The following LZTR1 variants were observed in gnomAD, a reference collection of about 807,000 sequenced individuals.
LZTR1 encodes the protein leucine zipper like post translational regulator 1.
LZTR1 carries 260 observed loss-of-function variants against 105.7 expected under a neutral mutation model. That is an observed-to-expected ratio of 2.46 (90% CI 2.22 to 2.72). The LOEUF (loss-of-function observed/expected upper bound fraction) is 2.72. LZTR1 is among the 30% of genes most tolerant of loss of function. The probability of loss-of-function intolerance (pLI) is 0.00; values close to 1 mark genes in which losing one functional copy is unlikely to be tolerated. For missense variants in LZTR1, 1,214 were observed against 1,166.9 expected (o/e 1.04, Z -0.59); for synonymous variants, 490 against 476.4 (o/e 1.03, Z -0.37).
rs1359555609 is a variant in LZTR1 at position 20,983,038 on chromosome 22, A to T, written c.212A>T (p.His71Leu). Residue 71 changes from histidine to leucine, a missense_variant, in exon 2 of 21, where the codon CAC (histidine) becomes CTC (leucine). Physicochemically the swap from His to Leu is moderately conservative, Grantham distance 99. Coordinates refer to ENST00000646124, the MANE Select transcript of LZTR1 (RefSeq NM_006767.4). The part of the protein sequence containing the change: ...DEFVGARRSK[H>L]TVVAYKDAIY... ...TCCTTTCTTTCCAGGCGCAGCAAGC[A>T]CACAGTGGTGGCCTATAAAGATGCC... The T allele has an allele frequency of 6.2e-7, 1 of 1,614,092 alleles. No individual in the cohort carries two copies. Among genetic ancestry groups the T allele is most frequent in the Non-Finnish European group, 8.5e-7 (1 of 1,179,954 alleles).
In LZTR1 at chr22:20,985,803, CCTGG is replaced by C. The variant is rs1569153802; in HGVS notation, c.264-35_264-32del. 13 of 1,606,420 alleles carry C rather than the reference CCTGG, an allele frequency of 8.1e-6. No individual in the cohort carries two copies. In the East Asian group the frequency reaches 8.9e-5, roughly 11 times the overall value. ...ATCTCTGGGGTCACTGCAGAGTAGA[CCTGG>C]CTAATGCCACCCTCTCTTCCGGCTG... On this transcript the variant is annotated intron_variant, in intron 2 of 20. Coordinates refer to ENST00000646124, the MANE Select transcript of LZTR1 (RefSeq NM_006767.4).
Position 20,992,861 on chromosome 22 carries a change from C to G in LZTR1, c.1217C>G (p.Thr406Arg). ...GACGCCATGTACATCTTCGGGGGCACGGTGGACAACAACATCCGCAGCGGG... is the reference window on the plus strand; with the variant it reads ...GACGCCATGTACATCTTCGGGGGCAGGGTGGACAACAACATCCGCAGCGGG... Reference protein sequence around the residue: ...ISDAMYIFGGTVDNNIRSGEM... With the variant: ...ISDAMYIFGGRVDNNIRSGEM... Residue 406 changes from threonine to arginine, a missense_variant, in exon 11 of 21, where the codon ACG (threonine) becomes AGG (arginine). Thr to Arg is a moderately conservative substitution (Grantham distance 71). Transcript: ENST00000646124. The G allele has an allele frequency of 6.2e-7, 1 of 1,609,928 alleles. No homozygotes were observed.
chr22:20,991,870 C>G, intron 9 of LZTR1, 41 bp downstream of exon 9: 1 of 1,504,176 alleles, frequency 6.6e-7, no homozygotes, highest in South Asian at 1.2e-5. Context: ...CAGCTGGACA[C>G]CAGTAGCTCC....
intron 18 of LZTR1, 62 bp from the exon 19 acceptor site, chr22:20,996,634 C>T (rs1924858701): frequency 7.0e-7 from 1 of 1,431,380 alleles, no homozygotes; most frequent in Non-Finnish European, 9.8e-7. Flanking sequence ...CCTTCCCTGT[C>T]CTTCCCTGGG....
Position 20,987,880 on chromosome 22 carries a change from G to C in LZTR1, c.401-130G>C, listed in dbSNP as rs178289. On this transcript the variant is annotated intron_variant, in intron 4 of 20. Transcript: ENST00000646124. ...CACAGAGGCAGACAGGCAGCAGGTC[G>C]TTCCGGGGCTTGTGGAAGGAGTCCT... is the stretch of plus-strand genomic sequence containing the variant. 265,714 of 666,242 alleles carry C rather than the reference G, an allele frequency of 0.4. 58,303 individuals carry two copies. Among genetic ancestry groups the C allele is most frequent in the East Asian group, 0.7 (26,477 of 37,992 alleles). The allele number at this position is 666,242 out of a possible 1,614,324, so 41.3% of individuals were successfully genotyped here.
chr22:20,984,645 G>T (rs1195575698), intron 2 of LZTR1, among the ~76,000 whole-genome samples: 1 of 148,768 alleles, frequency 6.7e-6, no homozygotes, highest in Non-Finnish European at 1.5e-5. Context: ...ATCACCACCA[G>T]CTTCTAGGCT....
At chr22:20,983,170 A>G (rs2147957528) in intron 2 of LZTR1, 81 bp downstream of exon 2, 1 of 1,257,240 alleles carries the variant, frequency 8.0e-7, no homozygotes, top group East Asian at 2.3e-5. Context: ...CAGCTCCATT[A>G]CTGTCCTTTC....
chr22:20,992,131 T>A, intron 9 of LZTR1, 83 bp from the exon 10 acceptor site: 1 of 1,406,094 alleles, frequency 7.1e-7, no homozygotes, highest in South Asian at 1.3e-5. Flanking sequence ...GAACCCACTC[T>A]CAAGGCCAGG....
intron 8 of LZTR1, 71 bp downstream of exon 8, chr22:20,990,596 G>A (rs1601718873): frequency 7.5e-6 from 11 of 1,462,070 alleles, no homozygotes; most frequent in East Asian, 2.3e-5. Flanking sequence ...TATGAAGAAC[G>A]CCTCTTGCAC....
chr22:20,995,080 C>T (rs1428512656), intron 16 of LZTR1, 54 bp downstream of exon 16: 18 of 1,555,696 alleles, frequency 1.2e-5, no homozygotes, highest in Admixed American at 3.6e-5. Context: ...TGTTCATCTG[C>T]GGTAGGAGAT....
chr22:20,997,394 G>C lies in LZTR1; in HGVS notation c.*46G>C. On this transcript the variant is annotated 3_prime_UTR_variant, in exon 21 of 21. Transcript: ENST00000646124. ...TTGTGAAGAATCGCCGTGCCTGCCT[G>C]CCCTGCCTACTGAGAAGACTACCGG... The C allele has an allele frequency of 7.2e-7, 1 of 1,390,828 alleles. No individual in the cohort carries two copies. Among genetic ancestry groups the C allele is most frequent in the Non-Finnish European group, 1.0e-6 (1 of 978,276 alleles). 86.2% of individuals were successfully genotyped at this position (1,390,828 alleles called of 1,614,324 possible).
Position 20,988,744 on chromosome 22 carries a change from T to C in LZTR1, c.510-45T>C, listed in dbSNP as rs371179400. The C allele has an allele frequency of 4.1e-6, 6 of 1,470,144 alleles. No homozygotes were observed. The African/African-American group carries it at 4.2e-5, about 10-fold the overall frequency. The allele number at this position is 1,470,144 out of a possible 1,614,324, so 91.1% of individuals were successfully genotyped here. On this transcript the variant is annotated intron_variant, in intron 5 of 20. Coordinates refer to ENST00000646124, the MANE Select transcript of LZTR1 (RefSeq NM_006767.4). Reference sequence around the variant, plus strand: ...CACATGGGGCTGGGTGGCTCAGGTCTGTGCTGGGCGGCCTCACTCCCTCCC... The same window carrying C: ...CACATGGGGCTGGGTGGCTCAGGTCCGTGCTGGGCGGCCTCACTCCCTCCC...
intron 5 of LZTR1, 46 bp from the exon 6 acceptor site, chr22:20,988,743 C>A: frequency 6.8e-7 from 1 of 1,463,950 alleles, no homozygotes; most frequent in South Asian, 1.1e-5. Flanking sequence ...TGGCTCAGGT[C>A]TGTGCTGGGC....
rs1924696052 is a variant in LZTR1 at position 20,993,820 on chromosome 22, G to A, written c.1353+66G>A. 22 of 1,574,212 alleles carry A rather than the reference G, an allele frequency of 1.4e-5. No homozygotes were observed. The South Asian group carries it at 2.2e-4, about 16-fold the overall frequency. ...TGGGCAGTGGGAATTTCGCCCCTCA[G>A]AAAAACAGCTGCTGGCCTGGTGGTG... On this transcript the variant is annotated intron_variant, in intron 12 of 20. Transcript: ENST00000646124.
chr22:20,982,317 G>C lies in LZTR1; in HGVS notation c.-55G>C, dbSNP rs1924218477. 1.6e-5 allele frequency: 22 copies of C among 1,388,494 alleles called. No homozygotes were observed. Among genetic ancestry groups the C allele is most frequent in the South Asian group, 2.7e-5 (2 of 74,760 alleles). 86.0% of individuals were successfully genotyped at this position (1,388,494 alleles called of 1,614,324 possible). On this transcript the variant is annotated 5_prime_UTR_variant, in exon 1 of 21. Coordinates refer to ENST00000646124, the MANE Select transcript of LZTR1 (RefSeq NM_006767.4). ...GAAATGTGGTTTCTCCAGCCGGCCCGGGGCGGTGGCCGCAAGTTGGGCTTA... is the reference window on the plus strand; with the variant it reads ...GAAATGTGGTTTCTCCAGCCGGCCCCGGGCGGTGGCCGCAAGTTGGGCTTA...
rs1248193309 is a variant in LZTR1 at position 20,995,828 on chromosome 22, G to A, written c.2025G>A (p.Gly675=). ...EFCDITLLLD[G]HPRPAHKAIL... The stretch of plus-strand genomic sequence containing the variant: ...GTGACATCACTCTGTTGCTTGACGG[G>A]CACCCACGGCCAGCCCACAAGGCTA... Residue 675 remains glycine, a synonymous_variant, in exon 17 of 21, where the codon GGG becomes GGA. Coordinates refer to ENST00000646124, the MANE Select transcript of LZTR1 (RefSeq NM_006767.4). 1.2e-6 allele frequency: 2 copies of A among 1,613,230 alleles called. No individual in the cohort carries two copies. Among genetic ancestry groups the A allele is most frequent in the Non-Finnish European group, 1.7e-6 (2 of 1,179,966 alleles).
Position 20,994,701 on chromosome 22 carries a change from G to T in LZTR1, c.1759G>T (p.Ala587Ser). 1 of 1,612,186 alleles carries T rather than the reference G, an allele frequency of 6.2e-7. No homozygotes were observed. Among genetic ancestry groups the T allele is most frequent in the Non-Finnish European group, 8.5e-7 (1 of 1,179,964 alleles). ...CGTGCTGGTTGTGTGCGAGAGTGCC[G>T]CCCGGCTGCAGCTGAGCCAACTCAA... Reference protein sequence around the residue: ...QNVLVVCESAARLQLSQLKEH... With the variant: ...QNVLVVCESASRLQLSQLKEH... Residue 587 changes from alanine (A) to serine (S), a missense_variant, in exon 15 of 21, where the codon GCC becomes TCC. Physicochemically the swap from Ala to Ser is moderately conservative, Grantham distance 99. Coordinates refer to ENST00000646124, the MANE Select transcript of LZTR1 (RefSeq NM_006767.4).
Position 20,994,940 on chromosome 22 carries a change from G to A in LZTR1, c.1856G>A (p.Arg619His), listed in dbSNP as rs568213908. Residue 619 changes from arginine (R) to histidine (H), a missense_variant, in exon 16 of 21, where the codon CGC becomes CAC. By Grantham distance (29) the Arg-to-His change is conservative. Coordinates refer to ENST00000646124, the MANE Select transcript of LZTR1 (RefSeq NM_006767.4). ...GTGATCATGATGAAGGAGTTCGAGCGCCTCTCCTCTCCACTGATAGTGGAG... is the reference window on the plus strand; with the variant it reads ...GTGATCATGATGAAGGAGTTCGAGCACCTCTCCTCTCCACTGATAGTGGAG... ...NQVIMMKEFE[R>H]LSSPLIVEIV... 40 of 1,613,332 alleles carry A rather than the reference G, an allele frequency of 2.5e-5. No homozygotes were observed. In the South Asian group the frequency reaches 2.9e-4, roughly 12 times the overall value.
In LZTR1 at chr22:20,990,184, G is replaced by A. The variant is rs74902115; in HGVS notation, c.652-202G>A. On this transcript the variant is annotated intron_variant, in intron 7 of 20. Coordinates refer to ENST00000646124, the MANE Select transcript of LZTR1 (RefSeq NM_006767.4). The stretch of plus-strand genomic sequence containing the variant: ...TAGCCCCTGATGATTTAACCCTGAC[G>A]ATTTTAACCCCAGCTGTTCACAACT... Among the ~76,000 whole-genome samples the A allele has an allele frequency of 5.3e-3, 804 of 152,208 alleles. 12 individuals carry two copies. Among genetic ancestry groups the A allele is most frequent in the African/African-American group, 0.018 (764 of 41,510 alleles).
Sources: gnomAD v4.1 joint callset for allele counts (sites outside exome capture counted in the v4.1 genomes callset) on GRCh38, gnomAD v4.1.1 for gene constraint, MANE v1.5 for transcripts, NCBI Gene and HGNC (gene_info 2026-07-23, HGNC 2026-07-21) for gene names.